OGDHL: variants seen among roughly 807,000 people sequenced by gnomAD.
OGDHL encodes the protein 2-oxoglutarate dehydrogenase-like, mitochondrial.
In OGDHL, 79 loss-of-function variants were observed where a neutral mutation model predicts 109.6. The observed-to-expected ratio is 0.72, with a 90% CI of 0.60 to 0.87. The LOEUF (loss-of-function observed/expected upper bound fraction) is 0.87. Ranked by LOEUF, OGDHL falls within the 40% of genes least tolerant of loss-of-function variation. The probability of loss-of-function intolerance (pLI) is 0.00; values close to 1 mark genes in which losing one functional copy is unlikely to be tolerated. For missense variants in OGDHL, 1,275 were observed against 1,362.2 expected, an observed-to-expected ratio of 0.94 and a Z score of 1.01; for synonymous variants, 528 against 537.2, an observed-to-expected ratio of 0.98 and a Z score of 0.24.
At chr10:49,738,576 G>A in intron 17 of OGDHL, 2 of 422,258 alleles carry the variant, frequency 4.7e-6, no homozygotes, top group Non-Finnish European at 8.8e-6. Context: ...AGCACCTGCT[G>A]TACAGGAGGC....
rs1299958072 is a variant in OGDHL, at chr10:49,739,769, G to T, written c.2211C>A (p.Phe737Leu). 1.9e-6 allele frequency: 3 copies of T among 1,614,138 alleles called. No individual in the cohort carries two copies. The highest frequency in any genetic ancestry group is 3.3e-5 in the Admixed American group (2 of 60,026). The change falls in exon 17 of 23, where the codon TTC becomes TTA. Residue 737 changes from phenylalanine to leucine, a missense_variant. Coordinates refer to ENST00000374103, the MANE Select transcript of OGDHL (RefSeq NM_018245.3). ...CGATGATGCACTGGGCCGTGTTGTG[G>T]AAGTCCCCAAACTGGGCCTCCCAGA... ...LVLWEAQFGDFHNTAQCIIDQ... is the reference protein window; with the variant it reads ...LVLWEAQFGDLHNTAQCIIDQ...
intron 22 of OGDHL, among the ~76,000 whole-genome samples, 176 bp downstream of exon 22, chr10:49,735,847 C>T (rs1400727397): frequency 6.6e-6 from 1 of 152,222 alleles, no homozygotes; most frequent in African/African-American, 2.4e-5. Flanking sequence ...TAGCAGGTTC[C>T]TTAATACAGT....
intron 6 of OGDHL, among the ~76,000 whole-genome samples, 171 bp downstream of exon 6, chr10:49,751,656 G>A (rs1842597438): frequency 6.6e-6 from 1 of 152,156 alleles, no homozygotes; most frequent in South Asian, 2.1e-4. Context: ...CCAGCTCTTG[G>A]CCAAACTGCC....
intron 2 of OGDHL, among the ~76,000 whole-genome samples, chr10:49,757,207 C>T (rs1842970800): frequency 6.6e-6 from 1 of 152,220 alleles, no homozygotes; most frequent in South Asian, 2.1e-4. Context: ...GAAGATTACA[C>T]AGTCTTTTAA....
At chr10:49,743,211 C>G (rs949428358) in intron 14 of OGDHL, among the ~76,000 whole-genome samples, 3 of 152,236 alleles carry the variant, frequency 2.0e-5, no homozygotes, top group Non-Finnish European at 4.4e-5. Context: ...GCATTGGCCA[C>G]GTTGCAGACA....
chr10:49,742,138 CCAAA>C lies in OGDHL; in HGVS notation c.2012+686_2012+689del, dbSNP rs1349017017. 3.9e-4 allele frequency among the ~76,000 whole-genome samples: 48 copies of C among 123,748 alleles called. 2 individuals carry two copies. Among genetic ancestry groups the C allele is most frequent in the African/African-American group, 1.3e-3 (37 of 29,464 alleles). The allele number at this position is 123,748 out of a possible 152,430, so 81.2% of individuals were successfully genotyped here. ...CACACATACACACCCTACACACACA[CCAAA>C]CATACACACACATCACACACACCAT... On this transcript the variant is annotated intron_variant, in intron 15 of 22. Coordinates refer to ENST00000374103, the MANE Select transcript of OGDHL (RefSeq NM_018245.3).
rs1039444131 is a variant in OGDHL at position 49,745,233 on chromosome 10, C to T, written c.1629+111G>A. The T allele has an allele frequency of 7.3e-6, 10 of 1,372,162 alleles. No homozygotes were observed. The African/African-American group carries it at 1.1e-4, about 16-fold the overall frequency. The allele number at this position is 1,372,162 out of a possible 1,614,324, so 85.0% of individuals were successfully genotyped here. ...CTCTTGGGGACAAGGACCATAGTGG[C>T]TACTTCTTTAAATCCTTAGTGCCCA... On this transcript the variant is annotated intron_variant, in intron 12 of 22. Transcript: ENST00000374103.
In OGDHL at chr10:49,749,826, G is replaced by A. The variant is rs1313583347; in HGVS notation, c.897-10C>T. ...CACGTTCAGCCTTCCCCTGGAGCCA[G>A]AGGGGCCGGGCTCTCACCTGGCAAA... On this transcript the variant is annotated splice_polypyrimidine_tract_variant and intron_variant, in intron 7 of 22. Transcript: ENST00000374103. The A allele has an allele frequency of 6.3e-7, 1 of 1,581,278 alleles. No homozygotes were observed. The highest frequency in any genetic ancestry group is 8.6e-7 in the Non-Finnish European group (1 of 1,168,046).
At chr10:49,746,255 TAAC>T (rs1348368311) in intron 10 of OGDHL, among the ~76,000 whole-genome samples, 3 of 152,202 alleles carry the variant, frequency 2.0e-5, no homozygotes, top group African/African-American at 7.2e-5. Context: ...AATCCAGTCC[TAAC>T]AACGGCTAAC....
rs1843051519 is a variant in OGDHL at position 49,758,480 on chromosome 10, G to A, written c.113C>T (p.Ala38Val). ...GWRSRSSGPP[A>V]TFPSSKGGGG... ...TCCACCTTTGCTGCTTGGGAAGGTG[G>A]CCGGTGGCCCGGAGGACCTGCTGCG... Residue 38 changes from alanine (A) to valine (V), a missense_variant, in exon 2 of 23, where the codon GCC becomes GTC. Ala to Val is a moderately conservative substitution (Grantham distance 64). Coordinates refer to ENST00000374103, the MANE Select transcript of OGDHL (RefSeq NM_018245.3). 3 of 1,613,814 alleles carry A rather than the reference G, an allele frequency of 1.9e-6. No homozygotes were observed. The highest frequency in any genetic ancestry group is 2.5e-6 in the Non-Finnish European group (3 of 1,180,048).
chr10:49,760,098 G>A (rs1206875568), intron 1 of OGDHL, among the ~76,000 whole-genome samples: 1 of 152,256 alleles, frequency 6.6e-6, no homozygotes, highest in African/African-American at 2.4e-5. Flanking sequence ...GAGGAAAGGG[G>A]TGATGTCACC....
Position 49,744,065 on chromosome 10 carries a change from G to C in OGDHL, c.1790C>G (p.Pro597Arg), listed in dbSNP as rs1282328525. 1 of 1,614,144 alleles carries C rather than the reference G, an allele frequency of 6.2e-7. No homozygotes were observed. Among genetic ancestry groups the C allele is most frequent in the Non-Finnish European group, 8.5e-7 (1 of 1,179,984 alleles). ...KSMTCPATGI[P>R]EDMLTHIGSV... is the part of the protein sequence containing the mutation. ...GCCGATGTGGGTGAGCATGTCCTCA[G>C]GGATCCCCGTGGCTGGGCATGTCAT... is the stretch of plus-strand genomic sequence containing the variant. The change falls in exon 14 of 23, where the codon CCT (proline) becomes CGT (arginine). Residue 597 changes from proline to arginine, a missense_variant. Pro to Arg is a moderately radical substitution (Grantham distance 103, BLOSUM62 -2). Coordinates refer to ENST00000374103, the MANE Select transcript of OGDHL (RefSeq NM_018245.3).
intron 10 of OGDHL, 89 bp from the exon 11 acceptor site, chr10:49,746,066 C>T (rs1322504323): frequency 1.4e-6 from 2 of 1,449,394 alleles, no homozygotes; most frequent in Non-Finnish European, 1.9e-6. Flanking sequence ...CAGGGGGATG[C>T]TCAAGGTCCA....
chr10:49,736,275 G>T lies in OGDHL; in HGVS notation c.2754+82C>A, dbSNP rs550520504. 10 of 1,588,358 alleles carry T rather than the reference G, an allele frequency of 6.3e-6. No individual in the cohort carries two copies. The Middle Eastern group carries it at 8.5e-4, about 134-fold the overall frequency. On this transcript the variant is annotated intron_variant, in intron 21 of 22. Transcript: ENST00000374103. ...ACAGGGCCTCACCGGCCTTCATCTGGCCTGCCTGGCACATTGGCCAGAGCC... is the reference window on the plus strand; with the variant it reads ...ACAGGGCCTCACCGGCCTTCATCTGTCCTGCCTGGCACATTGGCCAGAGCC...
At chr10:49,737,918 G>T (rs766393775) in intron 19 of OGDHL, 29 bp downstream of exon 19, 18 of 1,614,072 alleles carry the variant, frequency 1.1e-5, no homozygotes, top group Non-Finnish European at 1.5e-5. Flanking sequence ...CCCCCTGCCT[G>T]TGACCCCTGC....
chr10:49,740,872 C>A (rs764389921), intron 15 of OGDHL, 35 bp from the exon 16 acceptor site: 1 of 1,611,744 alleles, frequency 6.2e-7, no homozygotes, highest in South Asian at 1.1e-5. Context: ...GGACAGAGGG[C>A]AGGTGGGCTG....
chr10:49,741,448 C>A (rs190633106), intron 15 of OGDHL, among the ~76,000 whole-genome samples: 1 of 152,214 alleles, frequency 6.6e-6, no homozygotes, highest in Admixed American at 6.5e-5. Context: ...AGAAAGCCAG[C>A]TGGTCAAGTC....
chr10:49,755,301 GA>G (rs1443141419), intron 3 of OGDHL, among the ~76,000 whole-genome samples: 2 of 152,162 alleles, frequency 1.3e-5, no homozygotes, highest in African/African-American at 4.8e-5. Flanking sequence ...CTGCATATTT[GA>G]TATTAGGCAT....
intron 11 of OGDHL, 27 bp downstream of exon 11, chr10:49,745,771 T>A (rs1202745329): frequency 3.1e-6 from 5 of 1,608,262 alleles, no homozygotes; most frequent in Non-Finnish European, 4.3e-6. Flanking sequence ...CACCCACCCA[T>A]GCCTTGGCCT....
Sources: allele counts gnomAD v4.1 joint callset (sites outside exome capture counted in the v4.1 genomes callset), GRCh38; gene constraint gnomAD v4.1.1; transcripts MANE v1.5; gene names NCBI Gene and HGNC (gene_info 2026-07-23, HGNC 2026-07-21).